Variants in ATP9B observed in about 807,000 individuals in gnomAD.
ATP9B encodes the protein ATPase phospholipid transporting 9B.
A neutral mutation model predicts 146.1 loss-of-function variants in ATP9B; 110 were observed. The observed-to-expected ratio is 0.75, with a 90% CI of 0.65 to 0.88. ATP9B has a LOEUF of 0.88. Among genes scored for constraint, ATP9B ranks in the 40% least tolerant of loss-of-function variants. The pLI, the probability that ATP9B is intolerant of heterozygous loss-of-function variation, is 0.00. For synonymous variants in ATP9B, 604 were observed against 569.7 expected, an observed-to-expected ratio of 1.06 and a Z score of -0.86; for missense variants, 1,499 against 1,496.4, an observed-to-expected ratio of 1.00 and a Z score of -0.03.
At chr18:79,155,983 C>G (rs1188130578) in intron 7 of ATP9B, among the ~76,000 whole-genome samples, 1 of 151,830 alleles carries the variant, frequency 6.6e-6, no homozygotes, top group Non-Finnish European at 1.5e-5. Flanking sequence ...AGGATGGTCT[C>G]GATCTCCTGA....
At chr18:79,309,726 G>A (rs2096642306) in intron 15 of ATP9B, among the ~76,000 whole-genome samples, 1 of 152,148 alleles carries the variant, frequency 6.6e-6, no homozygotes, top group Non-Finnish European at 1.5e-5. Context: ...CTTAGGGGAT[G>A]AAAATGTTTT....
At chr18:79,145,399 C>T in intron 6 of ATP9B, 1 of 114,724 alleles carries the variant, frequency 8.7e-6, no homozygotes, top group East Asian at 3.3e-4. Flanking sequence ...AAGGTGCAAG[C>T]TGCATGTCGG....
chr18:79,209,754 C>A, intron 10 of ATP9B: 1 of 842,344 alleles, frequency 1.2e-6, no homozygotes, highest in Non-Finnish European at 1.4e-6. Context: ...ATTCGAACAT[C>A]TTTAAATGTA....
At position 79,372,682 on chromosome 18, in the gene ATP9B, G is replaced by A. The variant is rs2148012703; in HGVS notation, c.3013-143G>A. Reference sequence around the variant, plus strand: ...GGTGTCAGGAAAAGGCGCCCGAAATGCTGGTAGACCAGGTGGCTGGGGTGG... The same window carrying A: ...GGTGTCAGGAAAAGGCGCCCGAAATACTGGTAGACCAGGTGGCTGGGGTGG... On this transcript the variant is annotated intron_variant, in intron 26 of 29. Transcript: ENST00000426216. 7.0e-6 allele frequency: 5 copies of A among 714,942 alleles called. No homozygotes were observed. The East Asian group carries it at 1.4e-4, about 19-fold the overall frequency. 44.3% of individuals were successfully genotyped at this position (714,942 alleles called of 1,614,324 possible).
In ATP9B at chr18:79,096,561, T is replaced by A; in HGVS notation, c.205T>A (p.Tyr69Asn). ...AGGCTTTGAGAATGAGGAAAGTGATTACCACACCTTACCACGAGCCAGGAT... is the reference window on the plus strand; with the variant it reads ...AGGCTTTGAGAATGAGGAAAGTGATAACCACACCTTACCACGAGCCAGGAT... ...EEGFENEESDYHTLPRARIMQ... is the reference protein window; with the variant it reads ...EEGFENEESDNHTLPRARIMQ... Residue 69 changes from tyrosine to asparagine, a missense_variant, in exon 2 of 30, where the codon TAC (tyrosine) becomes AAC (asparagine). By Grantham distance (143) the Tyr-to-Asn change is moderately radical. Transcript: ENST00000426216. The A allele has an allele frequency of 6.2e-7, 1 of 1,613,942 alleles. No individual in the cohort carries two copies.
In ATP9B at chr18:79,372,891, A is replaced by T. The variant is rs2097080757; in HGVS notation, c.3070+9A>T. The T allele has an allele frequency of 1.3e-6, 2 of 1,592,990 alleles. No individual in the cohort carries two copies. The highest frequency in any genetic ancestry group is 2.2e-5 in the South Asian group (2 of 90,264). On this transcript the variant is annotated intron_variant, in intron 27 of 29. Coordinates refer to ENST00000426216, the MANE Select transcript of ATP9B (RefSeq NM_198531.5). ...AATAAGTATTTACCAAGGTAAGACG[A>T]GATCCTTAGTTTACTGGACTAAAGA...
chr18:79,231,175 A>G (rs1373115958), intron 11 of ATP9B, among the ~76,000 whole-genome samples: 2 of 152,248 alleles, frequency 1.3e-5, no homozygotes, highest in Non-Finnish European at 2.9e-5. Flanking sequence ...AAGCTTCTGC[A>G]CAGCAAAAGA....
rs369463310 is a variant in ATP9B at position 79,302,409 on chromosome 18, A to G, written c.1412-1195A>G. ...ATAAGTGCACACACCCCCGGGGACA[A>G]GGTGAGAGCACCACGCGTGGCAGCA... On this transcript the variant is annotated intron_variant, in intron 13 of 29. Coordinates refer to ENST00000426216, the MANE Select transcript of ATP9B (RefSeq NM_198531.5). Among the ~76,000 whole-genome samples the G allele has an allele frequency of 2.4e-3, 363 of 150,998 alleles. 1 individual carries two copies. The highest frequency in any genetic ancestry group is 6.3e-3 in the South Asian group (30 of 4,738).
intron 15 of ATP9B, among the ~76,000 whole-genome samples, chr18:79,322,464 ATC>A (rs2096721538): frequency 6.6e-6 from 1 of 152,154 alleles, no homozygotes; most frequent in African/African-American, 2.4e-5. Context: ...GGCAGCTTCC[ATC>A]AGTAGGAGAG....
chr18:79,082,514 G>T (rs2146532824), intron 1 of ATP9B, among the ~76,000 whole-genome samples: 1 of 152,346 alleles, frequency 6.6e-6, no homozygotes, highest in South Asian at 2.1e-4. Flanking sequence ...CAGCCTTTTT[G>T]TGCTGGTTTT....
rs571406824 is a variant in ATP9B, at chr18:79,072,320, C to T, written c.119+2791C>T. Among the ~76,000 whole-genome samples the T allele has an allele frequency of 9.9e-4, 151 of 152,170 alleles. 1 individual carries two copies. Among genetic ancestry groups the T allele is most frequent in the Non-Finnish European group, 1.8e-3 (125 of 67,994 alleles). ...GCGGCCTTCCGCAGTGTTTGTGTCC[C>T]TGGGTACTTGAGATTAGGGAGTGGT... is the stretch of plus-strand genomic sequence containing the variant. On this transcript the variant is annotated intron_variant, in intron 1 of 29. Coordinates refer to ENST00000426216, the MANE Select transcript of ATP9B (RefSeq NM_198531.5).
intron 13 of ATP9B, among the ~76,000 whole-genome samples, chr18:79,289,109 C>T (rs1159201414): frequency 3.9e-5 from 6 of 152,150 alleles, no homozygotes; most frequent in East Asian, 1.9e-4. Context: ...TTGCTCTTCT[C>T]GAGGAGTATC....
At chr18:79,113,001 C>T (rs1423505267) in intron 3 of ATP9B, among the ~76,000 whole-genome samples, 22 of 151,980 alleles carry the variant, frequency 1.4e-4, no homozygotes, top group Admixed American at 1.4e-3. Flanking sequence ...AACAATTGAA[C>T]GTCCTAATTG....
At chr18:79,253,666 T>A in intron 12 of ATP9B, 125 bp downstream of exon 12, 1 of 944,388 alleles carries the variant, frequency 1.1e-6, no homozygotes, top group Non-Finnish European at 1.5e-6. Flanking sequence ...CCAGAAGTTC[T>A]GAGGAATCTT....
intron 13 of ATP9B, among the ~76,000 whole-genome samples, chr18:79,286,399 T>C (rs1204234935): frequency 6.6e-6 from 1 of 150,582 alleles, no homozygotes. Context: ...GGGAGTTCAC[T>C]CATGATTTGG....
intron 17 of ATP9B, 152 bp from the exon 18 acceptor site, chr18:79,336,476 C>A: frequency 1.5e-6 from 1 of 660,758 alleles, no homozygotes; most frequent in Non-Finnish European, 2.7e-6. Context: ...AAAGGTGTCC[C>A]TCTGCTGAGT....
chr18:79,362,838 G>A (rs1217831739), intron 26 of ATP9B: 1 of 152,224 alleles, frequency 6.6e-6, no homozygotes, highest in Non-Finnish European at 1.5e-5. Context: ...AAGATATCAA[G>A]TAGGTAATAT....
At chr18:79,213,338 T>C (rs1342907445) in intron 10 of ATP9B, among the ~76,000 whole-genome samples, 1 of 152,000 alleles carries the variant, frequency 6.6e-6, no homozygotes, top group Non-Finnish European at 1.5e-5. Context: ...CTATCGGTCA[T>C]ACCAAGGATA....
intron 12 of ATP9B, among the ~76,000 whole-genome samples, chr18:79,266,348 TTTA>T (rs1318810276): frequency 1.3e-5 from 2 of 152,042 alleles, no homozygotes; most frequent in Non-Finnish European, 2.9e-5. Context: ...TCCTATTGAT[TTTA>T]TTTATTAATC....
Sources: allele counts gnomAD v4.1 joint callset (sites outside exome capture counted in the v4.1 genomes callset), GRCh38; gene constraint gnomAD v4.1.1; transcripts MANE v1.5; gene names NCBI Gene and HGNC (gene_info 2026-07-23, HGNC 2026-07-21).